Variants in PRH1 observed in about 807,000 individuals in gnomAD.
PRH1 encodes proline rich protein HaeIII subfamily 1.
In PRH1, 7 loss-of-function variants were observed where a neutral mutation model predicts 7.9. That is an observed-to-expected ratio of 0.89 (90% CI 0.50 to 1.67). The LOEUF is 1.67. PRH1 is among the 40% of genes most tolerant of loss of function. PRH1 has a pLI of 0.00. For missense variants in PRH1, 109 were observed against 223.6 expected (o/e 0.49, Z 3.27); for synonymous variants, 45 against 80.8 (o/e 0.56, Z 2.38).
chr12:11,072,396 G>C (rs1192622179), intron 1 of PRH1, among the ~76,000 whole-genome samples: 1 of 152,150 alleles, frequency 6.6e-6, no homozygotes, highest in Non-Finnish European at 1.5e-5. Context: ...ACATGTAATT[G>C]AAATGGACAA....
intron 2 of PRH1, among the ~76,000 whole-genome samples, chr12:10,900,118 A>G (rs1949703179): frequency 6.6e-6 from 1 of 152,146 alleles, no homozygotes; most frequent in South Asian, 2.1e-4. Flanking sequence ...CAGGGAGGGG[A>G]ACATGGGCAA....
At chr12:11,108,137 G>A (rs1207210184) in intron 1 of PRH1, among the ~76,000 whole-genome samples, 1 of 152,176 alleles carries the variant, frequency 6.6e-6, no homozygotes, top group African/African-American at 2.4e-5. Context: ...AACAAAAGCT[G>A]AGTGATTTCA....
At chr12:10,923,303 T>G (rs1250173034) in intron 2 of PRH1, among the ~76,000 whole-genome samples, 1 of 151,582 alleles carries the variant, frequency 6.6e-6, no homozygotes, top group Non-Finnish European at 1.5e-5. Flanking sequence ...TTTTTTTGTA[T>G]TTTTAGTAGA....
intron 2 of PRH1, among the ~76,000 whole-genome samples, chr12:10,903,426 C>G (rs760041159): frequency 6.6e-6 from 1 of 151,914 alleles, no homozygotes; most frequent in Non-Finnish European, 1.5e-5. Flanking sequence ...CTTCAACACC[C>G]CACTGAGAAG....
intron 1 of PRH1, among the ~76,000 whole-genome samples, chr12:11,090,108 C>G (rs1043503192): frequency 8.6e-6 from 1 of 115,874 alleles, no homozygotes; most frequent in Non-Finnish European, 2.0e-5. Flanking sequence ...TAGCTGTGAA[C>G]AGGACTGTAC....
chr12:10,937,230 CTCTG>C (rs781545782), intron 2 of PRH1, among the ~76,000 whole-genome samples: 67 of 135,804 alleles, frequency 4.9e-4, no homozygotes, highest in South Asian at 2.2e-3. Context: ...CTCTCTCTCT[CTCTG>C]TGTGTGTGTG....
intron 1 of PRH1, among the ~76,000 whole-genome samples, chr12:11,110,606 G>C (rs117878205): frequency 0.015 from 2,327 of 152,272 alleles, 19 homozygotes; most frequent in South Asian, 0.031. Flanking sequence ...CAAATGCTAA[G>C]AGATTTTGTT....
At chr12:10,933,457 T>A (rs1950242342) in intron 2 of PRH1, among the ~76,000 whole-genome samples, 1 of 151,228 alleles carries the variant, frequency 6.6e-6, no homozygotes. Context: ...ATATGACTAC[T>A]CTAACAGTAA....
chr12:10,942,214 T>G (rs1220688704), intron 2 of PRH1, among the ~76,000 whole-genome samples: 2 of 152,110 alleles, frequency 1.3e-5, no homozygotes, highest in Non-Finnish European at 2.9e-5. Context: ...CAGGAGGTAG[T>G]TCTTTCTAGA....
chr12:10,945,627 T>C (rs1298929454), intron 2 of PRH1, among the ~76,000 whole-genome samples: 1 of 152,050 alleles, frequency 6.6e-6, no homozygotes, highest in African/African-American at 2.4e-5. Flanking sequence ...GCTAATGAAG[T>C]TTCGGGCATG....
At chr12:10,935,262 A>G (rs1950270399) in intron 2 of PRH1, among the ~76,000 whole-genome samples, 1 of 152,172 alleles carries the variant, frequency 6.6e-6, no homozygotes, top group African/African-American at 2.4e-5. Flanking sequence ...AGGAAATCAC[A>G]TGGATTCAAA....
intron 1 of PRH1, among the ~76,000 whole-genome samples, chr12:11,007,281 TAAC>T (rs1188398148): frequency 1.3e-5 from 2 of 152,092 alleles, no homozygotes; most frequent in African/African-American, 4.8e-5. Flanking sequence ...ACTTTATTGT[TAAC>T]AAGCTCATAA....
chr12:10,928,397 T>G (rs779367625), intron 2 of PRH1, among the ~76,000 whole-genome samples: 17 of 152,212 alleles, frequency 1.1e-4, no homozygotes, highest in Non-Finnish European at 2.2e-4. Flanking sequence ...AGATGATGAA[T>G]TCTATAGAAT....
At position 11,011,355 on chromosome 12, in the gene PRH1, G is replaced by C. The variant is rs1265552643; in HGVS notation, c.-126+35665C>G. On this transcript the variant is annotated intron_variant, in intron 1 of 3. Transcript: ENST00000539853. The stretch of plus-strand genomic sequence containing the variant: ...TGTGCTAATGGATGAGTTTGAGGCT[G>C]TCTTTATGGAGAACACAATAATTCC... 2.0e-5 allele frequency among the ~76,000 whole-genome samples: 3 copies of C among 152,164 alleles called. No homozygotes were observed. In the East Asian group the frequency reaches 5.8e-4, roughly 29 times the overall value.
In PRH1 at chr12:11,061,121, GA is replaced by G. The variant is rs1378887838; in HGVS notation, n.124-13934del. Among the ~76,000 whole-genome samples, 5 of 132,744 alleles carry G rather than the reference GA, an allele frequency of 3.8e-5. 1 individual carries two copies. In the South Asian group the frequency reaches 6.7e-4, roughly 18 times the overall value. 87.1% of individuals were successfully genotyped at this position (132,744 alleles called of 152,430 possible). On this transcript the variant is annotated intron_variant and non_coding_transcript_variant, in intron 1 of 4. Coordinates refer to the PRH1 transcript ENST00000541977. ...TTTTGTATAATTTGGCAGTTTGTGT[GA>G]AAAAACAAAAAAGAGTATGTCACTG...
intron 1 of PRH1, among the ~76,000 whole-genome samples, chr12:11,043,605 C>T (rs1942798345): frequency 1.9e-5 from 1 of 52,212 alleles, no homozygotes; most frequent in African/African-American, 3.3e-5. Context: ...TTGCAGTATA[C>T]ACAATTAACA....
In PRH1 at chr12:10,883,081, T is replaced by C; in HGVS notation, c.80A>G (p.Asp27Gly). The change falls in exon 2 of 4, where the codon GAT becomes GGT. Residue 27 changes from aspartate to glycine, a missense_variant. Around this residue, in one of 3 missense-constraint regions of PRH1, gnomAD observed 60 missense variants for 76.5 expected, o/e 0.78. Coordinates refer to ENST00000543626, the MANE Select transcript of PRH1 (RefSeq NM_001393989.1). ...QDLNEDVSQE[D>G]VPLVISDGGD... is the part of the protein sequence containing the mutation. ...TTTACCTGATATTACGAGGGGAACA[T>C]CTTCCTGGCTGACATCTAGAAAAGA... The C allele has an allele frequency of 2.5e-6, 4 of 1,613,424 alleles. No homozygotes were observed. Among genetic ancestry groups the C allele is most frequent in the Non-Finnish European group, 3.4e-6 (4 of 1,179,348 alleles).
In PRH1 at chr12:11,079,427, CTA is replaced by C. The variant is rs1296850225; in HGVS notation, n.124-32241_124-32240del. The stretch of plus-strand genomic sequence containing the variant: ...TGGAGTCAGAATGCCACTGCCTTAT[CTA>C]CACTAAATCAGCCAAACTAGCTTCA... On this transcript the variant is annotated intron_variant and non_coding_transcript_variant, in intron 1 of 4. Coordinates refer to the PRH1 transcript ENST00000541977. 8.6e-3 allele frequency among the ~76,000 whole-genome samples: 952 copies of C among 110,716 alleles called. 3 individuals carry two copies. The highest frequency in any genetic ancestry group is 0.011 in the Admixed American group (127 of 11,098). 72.6% of individuals were successfully genotyped at this position (110,716 alleles called of 152,430 possible).
chr12:10,914,242 A>T (rs985240541), intron 2 of PRH1, among the ~76,000 whole-genome samples: 19 of 152,202 alleles, frequency 1.2e-4, no homozygotes, highest in African/African-American at 9.6e-5. Context: ...TTTGACAATT[A>T]AAAAAATTGA....
Sources: gnomAD v4.1 joint callset for allele counts (sites outside exome capture counted in the v4.1 genomes callset) on GRCh38, gnomAD v4.1.1 for gene constraint, gnomAD v4.1.1 regional missense constraint, MANE v1.5 for transcripts, NCBI Gene and HGNC (gene_info 2026-07-23, HGNC 2026-07-21) for gene names.